The following CEP112 variants were observed in gnomAD, a reference collection of about 807,000 sequenced individuals.
CEP112 encodes centrosomal protein of 112 kDa.
In CEP112, 127 loss-of-function variants were observed where a neutral mutation model predicts 153.0. That is an observed-to-expected ratio of 0.83 (90% CI 0.72 to 0.96). The LOEUF is 0.96. Ranked by LOEUF, CEP112 falls within the 40% of genes least tolerant of loss-of-function variation. The pLI is 0.00. For synonymous variants in CEP112, 358 were observed against 374.4 expected, an observed-to-expected ratio of 0.96 and a Z score of 0.51; for missense variants, 1,089 against 1,101.2, an observed-to-expected ratio of 0.99 and a Z score of 0.16.
chr17:66,047,679 C>T (rs2066270559), intron 12 of CEP112, among the ~76,000 whole-genome samples: 1 of 152,186 alleles, frequency 6.6e-6, no homozygotes, highest in Non-Finnish European at 1.5e-5. Flanking sequence ...ATACTTGCTA[C>T]ATACATGTAA....
At position 65,665,619 on chromosome 17, in the gene CEP112, A is replaced by G. The variant is rs1009983335; in HGVS notation, c.2697+23510T>C. On this transcript the variant is annotated intron_variant, in intron 24 of 26. Transcript: ENST00000535342. ...GAAAAGGACAATTTGTGGAGAATGG[A>G]GCCAACAATAAGGGAACAGAGTTAA... 2.6e-5 allele frequency among the ~76,000 whole-genome samples: 4 copies of G among 152,214 alleles called. No individual in the cohort carries two copies. In the East Asian group the frequency reaches 7.7e-4, roughly 29 times the overall value.
chr17:65,964,526 C>T (rs991166631), intron 17 of CEP112, among the ~76,000 whole-genome samples: 2 of 152,298 alleles, frequency 1.3e-5, no homozygotes, highest in African/African-American at 2.4e-5. Context: ...TAAAACAGCA[C>T]ATGGGAACAA....
rs910548101 is a variant in CEP112, at chr17:65,931,706, T to A, written c.1873-4017A>T. On this transcript the variant is annotated intron_variant, in intron 18 of 26. Coordinates refer to ENST00000535342, the MANE Select transcript of CEP112 (RefSeq NM_001199165.4). ...GCCAAGCTCAAGTCCCTAGCCAGAT[T>A]TGCCACCCAGCCTCAGAGCTTGGCA... 2.6e-5 allele frequency among the ~76,000 whole-genome samples: 4 copies of A among 152,170 alleles called. 1 individual carries two copies. Among genetic ancestry groups the A allele is most frequent in the East Asian group, 1.9e-4 (1 of 5,186 alleles).
intron 24 of CEP112, among the ~76,000 whole-genome samples, chr17:65,670,014 ACT>A (rs1439782957): frequency 6.6e-6 from 1 of 151,732 alleles, no homozygotes; most frequent in Non-Finnish European, 1.5e-5. Flanking sequence ...CAGGAAAAAG[ACT>A]CTCTTATTTA....
intron 1 of CEP112, among the ~76,000 whole-genome samples, chr17:66,184,067 G>C (rs898699710): frequency 1.3e-5 from 2 of 151,962 alleles, no homozygotes; most frequent in Non-Finnish European, 2.9e-5. Flanking sequence ...TGGGCAATTT[G>C]GTGAGACCCC....
At chr17:66,149,826 T>C (rs2146670092) in intron 4 of CEP112, among the ~76,000 whole-genome samples, 1 of 150,716 alleles carries the variant, frequency 6.6e-6, no homozygotes, top group South Asian at 2.1e-4. Context: ...AGCTTTAGGT[T>C]TAGTTTGTTC....
intron 20 of CEP112, among the ~76,000 whole-genome samples, chr17:65,899,886 C>A (rs1309734475): frequency 6.6e-6 from 1 of 152,132 alleles, no homozygotes; most frequent in African/African-American, 2.4e-5. Flanking sequence ...TACGTTTGTT[C>A]TGCATCAAAC....
chr17:65,681,444 C>CT (rs1567855870), intron 24 of CEP112, among the ~76,000 whole-genome samples: 3 of 151,654 alleles, frequency 2.0e-5, no homozygotes, highest in African/African-American at 7.3e-5. Context: ...CAAGACGACT[C>CT]TGACATGCTT....
chr17:65,727,760 C>T (rs939633579), intron 23 of CEP112, among the ~76,000 whole-genome samples: 2 of 152,074 alleles, frequency 1.3e-5, no homozygotes, highest in Non-Finnish European at 1.5e-5. Flanking sequence ...GGCAGTGCAA[C>T]ATATAGGACC....
intron 23 of CEP112, among the ~76,000 whole-genome samples, chr17:65,702,241 T>C (rs960719906): frequency 6.6e-6 from 1 of 152,112 alleles, no homozygotes; most frequent in African/African-American, 2.4e-5. Context: ...CCAGACTCTT[T>C]CCCAGTTGTG....
intron 8 of CEP112, among the ~76,000 whole-genome samples, chr17:66,085,966 C>A (rs1053538564): frequency 4.4e-5 from 5 of 112,570 alleles, no homozygotes; most frequent in Non-Finnish European, 6.7e-5. Flanking sequence ...GACGACAGAG[C>A]GAGACTCCGT....
chr17:66,189,027 A>T (rs2073060017), intron 1 of CEP112, among the ~76,000 whole-genome samples: 1 of 152,238 alleles, frequency 6.6e-6, no homozygotes, highest in African/African-American at 2.4e-5. Flanking sequence ...AAATCCTTTG[A>T]CATGGGCAGG....
At chr17:66,091,033 A>G (rs2068112390) in intron 8 of CEP112, among the ~76,000 whole-genome samples, 1 of 152,114 alleles carries the variant, frequency 6.6e-6, no homozygotes. Context: ...TAAATATATA[A>G]AGCAAATATT....
At chr17:65,986,007 T>G (rs2063393916) in intron 17 of CEP112, among the ~76,000 whole-genome samples, 2 of 152,134 alleles carry the variant, frequency 1.3e-5, no homozygotes. Context: ...TTATCCATTA[T>G]GCAACTGTAA....
chr17:66,187,991 T>C (rs1404440848), intron 1 of CEP112, among the ~76,000 whole-genome samples: 1 of 152,042 alleles, frequency 6.6e-6, no homozygotes, highest in African/African-American at 2.4e-5. Context: ...CTGAGAAATA[T>C]CTCAAAATCT....
intron 21 of CEP112, among the ~76,000 whole-genome samples, chr17:65,838,901 A>G (rs1232153618): frequency 6.6e-6 from 1 of 152,134 alleles, no homozygotes; most frequent in Non-Finnish European, 1.5e-5. Flanking sequence ...AAGCCTATTA[A>G]CAGAAGAAAT....
intron 11 of CEP112, 142 bp from the exon 12 acceptor site, chr17:66,054,021 A>C: frequency 4.0e-6 from 2 of 495,756 alleles, no homozygotes; most frequent in Non-Finnish European, 6.8e-6. Flanking sequence ...ACCACCAGTA[A>C]ACATTCAAGG....
intron 21 of CEP112, among the ~76,000 whole-genome samples, chr17:65,829,334 T>TA (rs1480490771): frequency 6.6e-6 from 1 of 152,230 alleles, no homozygotes; most frequent in South Asian, 2.1e-4. Context: ...ACCAGGCCCA[T>TA]AGAGAATTTT....
chr17:65,839,939 C>T (rs934575314), intron 21 of CEP112, among the ~76,000 whole-genome samples: 1 of 151,630 alleles, frequency 6.6e-6, no homozygotes, highest in Admixed American at 6.6e-5. Flanking sequence ...TAAAAAAAAT[C>T]TAGGAATAAA....
Sources: gnomAD v4.1 joint callset for allele counts (sites outside exome capture counted in the v4.1 genomes callset) on GRCh38, gnomAD v4.1.1 for gene constraint, MANE v1.5 for transcripts, NCBI Gene and HGNC (gene_info 2026-07-23, HGNC 2026-07-21) for gene names.